IDH2: variants seen among roughly 807,000 people sequenced by gnomAD.
IDH2 encodes the protein isocitrate dehydrogenase (NADP(+)) 2.
A neutral mutation model predicts 50.5 loss-of-function variants in IDH2; 18 were observed. That is an observed-to-expected ratio of 0.36 (90% CI 0.25 to 0.53). IDH2 has a LOEUF of 0.53. IDH2 is among the 20% of genes least tolerant of loss of function. IDH2 has a pLI of 0.92. For synonymous variants in IDH2, 280 were observed against 239.8 expected (o/e 1.17, Z -1.55); for missense variants, 518 against 610.7 (o/e 0.85, Z 1.60).
rs1900838482 is a variant in IDH2 at position 90,085,544 on chromosome 15, G to A, written c.968-157C>T. Among the ~76,000 whole-genome samples, 1 of 152,216 alleles carries A rather than the reference G, an allele frequency of 6.6e-6. No individual in the cohort carries two copies. The highest frequency in any genetic ancestry group is 2.4e-5 in the African/African-American group (1 of 41,452). On this transcript the variant is annotated intron_variant, in intron 7 of 10. Coordinates refer to ENST00000330062, the MANE Select transcript of IDH2 (RefSeq NM_002168.4). The surrounding 1 kb of genome is among the most constrained non-coding windows in gnomAD (Gnocchi z 5.5). The stretch of plus-strand genomic sequence containing the variant: ...ACTGGGAGGACAGGGACTGTTCCAG[G>A]TCTCTTCACCCTCCTGTGGGTCTCC...
At chr15:90,089,134 G>A (rs564464660) in intron 3 of IDH2, among the ~76,000 whole-genome samples, 9 of 151,710 alleles carry the variant, frequency 5.9e-5, no homozygotes, top group East Asian at 1.9e-4. Flanking sequence ...GGCTGGTCTC[G>A]ACCTCCCAAC....
At position 90,083,083 on chromosome 15, in the gene IDH2, C is replaced by G. The variant is rs1161119818; in HGVS notation, c.*1183G>C. 2 of 140,468 alleles carry G rather than the reference C, an allele frequency of 1.4e-5. No homozygotes were observed. The highest frequency in any genetic ancestry group is 3.1e-5 in the Non-Finnish European group (2 of 64,542). The allele number at this position is 140,468 out of a possible 1,614,324, so 8.7% of individuals were successfully genotyped here. On this transcript the variant is annotated 3_prime_UTR_variant, in exon 11 of 11. Coordinates refer to ENST00000330062, the MANE Select transcript of IDH2 (RefSeq NM_002168.4). ...TAGCTTTAGAGCAACTTTTATTTTT[C>G]CTTTTTACATGGGGCTAAAAAACTT...
chr15:90,092,350 CCTTT>C (rs1901061953), intron 1 of IDH2, among the ~76,000 whole-genome samples: 1 of 151,562 alleles, frequency 6.6e-6, no homozygotes, highest in East Asian at 1.9e-4. Context: ...TACTTCCTTT[CCTTT>C]CTTTCCTTCC....
chr15:90,086,698 G>A (rs1294075331), intron 7 of IDH2, among the ~76,000 whole-genome samples: 1 of 152,114 alleles, frequency 6.6e-6, no homozygotes, highest in Non-Finnish European at 1.5e-5. Context: ...CCTAGGGCTT[G>A]GGGGTTTGCA....
Position 90,087,336 on chromosome 15 carries a change from G to A in IDH2, c.816-73C>T, listed in dbSNP as rs1393273254. The A allele has an allele frequency of 1.9e-6, 3 of 1,612,494 alleles. No individual in the cohort carries two copies. In the East Asian group the frequency reaches 6.7e-5, roughly 36 times the overall value. On this transcript the variant is annotated intron_variant, in intron 6 of 10. Coordinates refer to ENST00000330062, the MANE Select transcript of IDH2 (RefSeq NM_002168.4). Reference sequence around the variant, plus strand: ...GTTGGGGATCCCTCCCTGAGCCTCGGAGCTGAGCCAAATGCACTCTAATAG... The same window carrying A: ...GTTGGGGATCCCTCCCTGAGCCTCGAAGCTGAGCCAAATGCACTCTAATAG...
rs148147962 is a variant in IDH2, at chr15:90,095,385, G to A, written c.116-3741C>T. ...GAGTGGAAAGAGCTGCAGAACCTGC[G>A]GAAAGTCTGTTGAGCTGTTGCAGAG... On this transcript the variant is annotated intron_variant, in intron 1 of 10. Transcript: ENST00000330062. 3.3e-5 allele frequency among the ~76,000 whole-genome samples: 5 copies of A among 151,910 alleles called. No homozygotes were observed. In the East Asian group the frequency reaches 9.7e-4, roughly 29 times the overall value.
chr15:90,095,009 A>G (rs747352196), intron 1 of IDH2, among the ~76,000 whole-genome samples: 2 of 152,222 alleles, frequency 1.3e-5, no homozygotes, highest in Admixed American at 6.5e-5. Flanking sequence ...TTAAAACAAA[A>G]GTGATTAAAG....
At position 90,091,587 on chromosome 15, in the gene IDH2, A is replaced by C. The variant is rs746033152; in HGVS notation, c.173T>G (p.Met58Arg). 1.9e-6 allele frequency: 3 copies of C among 1,614,064 alleles called. No individual in the cohort carries two copies. The highest frequency in any genetic ancestry group is 2.5e-6 in the Non-Finnish European group (3 of 1,180,016). ...GATGAACTGCCAGATAATACGGGTC[A>C]TCTCATCACCATCCATCTCCACCAC... The part of the protein sequence containing the change: ...KPVVEMDGDE[M>R]TRIIWQFIKE... Residue 58 changes from methionine (M) to arginine (R), a missense_variant, in exon 2 of 11, where the codon ATG becomes AGG. By Grantham distance (91) the Met-to-Arg change is moderately conservative (BLOSUM62 -1). This residue lies in a region of IDH2 where 68 missense variants were observed against 109.7 expected (regional missense o/e 0.62). Coordinates refer to ENST00000330062, the MANE Select transcript of IDH2 (RefSeq NM_002168.4).
In IDH2 at chr15:90,087,226, A is replaced by G. The variant is rs779303729; in HGVS notation, c.853T>C (p.Tyr285His). ...ATGTCATCAATGAGCCGGTGCTCAT[A>G]CCAGATCTTATTCTTGTCGAAGTCG... The part of the protein sequence containing the change: ...KTDFDKNKIW[Y>H]EHRLIDDMVA... Residue 285 changes from tyrosine to histidine, a missense_variant, in exon 7 of 11, where the codon TAT (tyrosine) becomes CAT (histidine). Physicochemically the swap from Tyr to His is moderately conservative, Grantham distance 83 (BLOSUM62 2). Coordinates refer to ENST00000330062, the MANE Select transcript of IDH2 (RefSeq NM_002168.4). The G allele has an allele frequency of 1.9e-6, 3 of 1,614,202 alleles. No homozygotes were observed. The highest frequency in any genetic ancestry group is 1.7e-6 in the Non-Finnish European group (2 of 1,180,032).
intron 2 of IDH2, among the ~76,000 whole-genome samples, chr15:90,091,161 T>C (rs910018408): frequency 1.3e-5 from 2 of 152,200 alleles, no homozygotes; most frequent in Admixed American, 6.5e-5. Context: ...CCCTTTGCCA[T>C]GGTGGCTCGT....
At chr15:90,091,011 T>C (rs1242698900) in intron 2 of IDH2, among the ~76,000 whole-genome samples, 3 of 152,166 alleles carry the variant, frequency 2.0e-5, no homozygotes. Flanking sequence ...TGCTTTGAGA[T>C]CTTACAGTTG....
At position 90,098,790 on chromosome 15, in the gene IDH2, T is replaced by C. The variant is rs1277925534; in HGVS notation, c.115+3486A>G. Among the ~76,000 whole-genome samples, 1 of 152,180 alleles carries C rather than the reference T, an allele frequency of 6.6e-6. No homozygotes were observed. The highest frequency in any genetic ancestry group is 1.9e-4 in the East Asian group (1 of 5,188). Reference sequence around the variant, plus strand: ...AACTCCTGGCCCCAACTGATCCGCCTGCTTCGGCCTCCCAAAGTCCTGGGA... The same window carrying C: ...AACTCCTGGCCCCAACTGATCCGCCCGCTTCGGCCTCCCAAAGTCCTGGGA... On this transcript the variant is annotated intron_variant, in intron 1 of 10. Transcript: ENST00000330062. This position sits in a 1 kb window ranked among gnomAD's most constrained non-coding sequence, Gnocchi z 5.1.
In IDH2 at chr15:90,102,296, T is replaced by G. The variant is rs1377173957; in HGVS notation, c.95A>C (p.Gln32Pro). The change falls in exon 1 of 11, where the codon CAA (glutamine) becomes CCA (proline). Residue 32 changes from glutamine (Q) to proline (P), a missense_variant. Gln to Pro is a moderately conservative substitution (Grantham distance 76). Around this residue, in one of 5 missense-constraint regions of IDH2, gnomAD observed 85 missense variants for 66.9 expected, o/e 1.27. Transcript: ENST00000330062. ...APAALTAPTS[Q>P]EQPRRHYADK... ...CTCACAGTGGCGCCGCGGCTGCTCT[T>G]GCGAGGTGGGGGCTGTCAGGGCCGC... 2 of 1,335,318 alleles carry G rather than the reference T, an allele frequency of 1.5e-6. No homozygotes were observed. The highest frequency in any genetic ancestry group is 6.5e-5 in the East Asian group (2 of 30,588). 82.7% of individuals were successfully genotyped at this position (1,335,318 alleles called of 1,614,324 possible).
At chr15:90,095,977 T>C (rs1901171181) in intron 1 of IDH2, among the ~76,000 whole-genome samples, 1 of 152,080 alleles carries the variant, frequency 6.6e-6, no homozygotes, top group African/African-American at 2.4e-5. Context: ...ATCTCAACAA[T>C]AAAACAAATA....
At chr15:90,096,654 C>G (rs1901188332) in intron 1 of IDH2, among the ~76,000 whole-genome samples, 1 of 152,128 alleles carries the variant, frequency 6.6e-6, no homozygotes, top group Non-Finnish European at 1.5e-5. Flanking sequence ...GTGGCTCGCA[C>G]CTGTAATCCC....
In IDH2 at chr15:90,088,419, C is replaced by T. The variant is rs766892983; in HGVS notation, c.618G>A (p.Glu206=). The T allele has an allele frequency of 6.2e-6, 10 of 1,614,124 alleles. No homozygotes were observed. The highest frequency in any genetic ancestry group is 1.6e-4 in the Middle Eastern group (1 of 6,084). Residue 206 remains glutamate, a synonymous_variant, in exon 5 of 11, where the codon GAG becomes GAA. Transcript: ENST00000330062. ...CTGCGGGGAAGTTGTACACTTCCCA[C>T]TCCTTGACACCACTGCCATCTTTTG... The part of the protein sequence containing the change: ...FTPKDGSGVK[E]WEVYNFPAGG...
chr15:90,084,371 C>T lies in IDH2; in HGVS notation c.1272-18G>A. 8.7e-6 allele frequency: 14 copies of T among 1,610,514 alleles called. No homozygotes were observed. Among genetic ancestry groups the T allele is most frequent in the Non-Finnish European group, 1.2e-5 (14 of 1,177,842 alleles). On this transcript the variant is annotated intron_variant, in intron 10 of 10. Coordinates refer to ENST00000330062, the MANE Select transcript of IDH2 (RefSeq NM_002168.4). The surrounding 1 kb of genome is among the most constrained non-coding windows in gnomAD (Gnocchi z 5.0). ...GCTTCACACTGCAGAGAGAGCACCA[C>T]TCACATCAGGGGTGGCTCCAGGCCT...
At position 90,085,441 on chromosome 15, in the gene IDH2, G is replaced by T; in HGVS notation, c.968-54C>A. 1 of 1,206,034 alleles carries T rather than the reference G, an allele frequency of 8.3e-7. No individual in the cohort carries two copies. Among genetic ancestry groups the T allele is most frequent in the Non-Finnish European group, 1.2e-6 (1 of 834,740 alleles). The allele number at this position is 1,206,034 out of a possible 1,614,324, so 74.7% of individuals were successfully genotyped here. A position where few individuals can be genotyped will look rare whatever the true frequency, so the allele number is the denominator to read the frequency against. On this transcript the variant is annotated intron_variant, in intron 7 of 10. Coordinates refer to ENST00000330062, the MANE Select transcript of IDH2 (RefSeq NM_002168.4). This position sits in a 1 kb window ranked among gnomAD's most constrained non-coding sequence, Gnocchi z 5.5. Reference sequence around the variant, plus strand: ...GCCTCGCCTCTCCTGGGGCCACCCAGCTGAGCCCTGCTGCCCTCTACAACC... The same window carrying T: ...GCCTCGCCTCTCCTGGGGCCACCCATCTGAGCCCTGCTGCCCTCTACAACC...
At position 90,083,546 on chromosome 15, in the gene IDH2, C is replaced by T. The variant is rs1900777808; in HGVS notation, c.*720G>A. On this transcript the variant is annotated 3_prime_UTR_variant, in exon 11 of 11. Coordinates refer to ENST00000330062, the MANE Select transcript of IDH2 (RefSeq NM_002168.4). ...TGCAGGGCCCTTGTTCACACACACC[C>T]AAGCCCCTCCAAACTCAGGCAGCCT... 1 of 153,560 alleles carries T rather than the reference C, an allele frequency of 6.5e-6. No individual in the cohort carries two copies. The highest frequency in any genetic ancestry group is 2.4e-5 in the African/African-American group (1 of 41,462). The allele number at this position is 153,560 out of a possible 1,614,324, so 9.5% of individuals were successfully genotyped here. A position where few individuals can be genotyped will look rare whatever the true frequency, so the allele number is the denominator to read the frequency against.
Sources: gnomAD v4.1 joint callset for allele counts (sites outside exome capture counted in the v4.1 genomes callset) on GRCh38, gnomAD v4.1.1 for gene constraint, gnomAD v4.1.1 regional missense constraint, Gnocchi (gnomAD v3.1) non-coding constraint, MANE v1.5 for transcripts, NCBI Gene and HGNC (gene_info 2026-07-23, HGNC 2026-07-21) for gene names.